CSMD3: variants seen among roughly 807,000 people sequenced by gnomAD.
CSMD3 encodes the protein CUB and sushi domain-containing protein 3.
In CSMD3, 177 loss-of-function variants were observed where a neutral mutation model predicts 435.2. That is an observed-to-expected ratio of 0.41 (90% CI 0.36 to 0.46). The LOEUF is 0.46. Ranked by LOEUF, CSMD3 falls within the 20% of genes least tolerant of loss-of-function variation. The pLI is 0.34. For synonymous variants in CSMD3, 1,656 were observed against 1,520.5 expected (o/e 1.09, Z -2.07); for missense variants, 4,265 against 4,504.6 (o/e 0.95, Z 1.52).
At chr8:113,425,070 T>C (rs1046080367) in intron 1 of CSMD3, among the ~76,000 whole-genome samples, 1 of 151,578 alleles carries the variant, frequency 6.6e-6, no homozygotes, top group African/African-American at 2.4e-5. Flanking sequence ...AAGAGTCTGA[T>C]ACATACTGGT....
chr8:112,445,097 G>T (rs1349664131), intron 32 of CSMD3, among the ~76,000 whole-genome samples: 3 of 152,006 alleles, frequency 2.0e-5, no homozygotes, highest in Non-Finnish European at 4.4e-5. Context: ...ACAAAAATTA[G>T]CTGGGTGTGG....
rs560963515 is a variant in CSMD3 at position 112,664,490 on chromosome 8, G to A, written c.2816+1787C>T. On this transcript the variant is annotated intron_variant, in intron 17 of 70. Transcript: ENST00000297405. ...TAAGCCATGTAAACCAATAAATAGGGGATACGGTTTTAACAGAATAGCAAC... is the reference window on the plus strand; with the variant it reads ...TAAGCCATGTAAACCAATAAATAGGAGATACGGTTTTAACAGAATAGCAAC... Among the ~76,000 whole-genome samples, 3 of 152,050 alleles carry A rather than the reference G, an allele frequency of 2.0e-5. No homozygotes were observed. The East Asian group carries it at 5.8e-4, about 29-fold the overall frequency.
intron 11 of CSMD3, among the ~76,000 whole-genome samples, chr8:112,835,268 T>C (rs933850332): frequency 3.3e-5 from 5 of 151,904 alleles, no homozygotes; most frequent in African/African-American, 1.2e-4. Context: ...TCATAATCTT[T>C]CTGTGAATCT....
intron 10 of CSMD3, among the ~76,000 whole-genome samples, chr8:112,880,362 A>G (rs2081412902): frequency 6.6e-6 from 1 of 152,054 alleles, no homozygotes. Context: ...TCTTAAATGG[A>G]TACAAACAGG....
intron 3 of CSMD3, among the ~76,000 whole-genome samples, chr8:113,258,762 T>C (rs2093403695): frequency 6.6e-6 from 1 of 151,922 alleles, no homozygotes; most frequent in Non-Finnish European, 1.5e-5. Flanking sequence ...TTAGAGAAAA[T>C]TCAGCAGTAA....
intron 1 of CSMD3, among the ~76,000 whole-genome samples, chr8:113,321,156 A>C (rs192043051): frequency 6.6e-6 from 1 of 152,228 alleles, no homozygotes; most frequent in East Asian, 1.9e-4. Context: ...ATTGCTGCTA[A>C]AGTCATTTCT....
At position 112,541,095 on chromosome 8, in the gene CSMD3, C is replaced by A. The variant is rs79822482; in HGVS notation, c.4564+9576G>T. 6.1e-3 allele frequency among the ~76,000 whole-genome samples: 925 copies of A among 151,500 alleles called. 10 individuals carry two copies. Among genetic ancestry groups the A allele is most frequent in the African/African-American group, 0.022 (892 of 41,402 alleles). On this transcript the variant is annotated intron_variant, in intron 27 of 70. Coordinates refer to ENST00000297405, the MANE Select transcript of CSMD3 (RefSeq NM_198123.2). Reference sequence around the variant, plus strand: ...AAATAGAAAACACCTCAAGATGAAACAAAAACACGATATGCCAAAATGCAT... The same window carrying A: ...AAATAGAAAACACCTCAAGATGAAAAAAAAACACGATATGCCAAAATGCAT...
intron 12 of CSMD3, among the ~76,000 whole-genome samples, chr8:112,817,501 C>T (rs996823568): frequency 6.6e-6 from 1 of 151,992 alleles, no homozygotes; most frequent in Non-Finnish European, 1.5e-5. Context: ...TTGTTCAAAT[C>T]CTTTATCTGA....
chr8:112,508,111 C>A (rs1822723333), intron 28 of CSMD3, among the ~76,000 whole-genome samples: 1 of 152,124 alleles, frequency 6.6e-6, no homozygotes, highest in African/African-American at 2.4e-5. Flanking sequence ...GTCACATAAT[C>A]CCTCTCCCTT....
At chr8:113,348,540 A>G (rs1021438366) in intron 1 of CSMD3, among the ~76,000 whole-genome samples, 1 of 152,182 alleles carries the variant, frequency 6.6e-6, no homozygotes, top group South Asian at 2.1e-4. Context: ...AGGAAGATGC[A>G]AAAAGATGTA....
chr8:112,852,772 A>C (rs1040253863), intron 11 of CSMD3, among the ~76,000 whole-genome samples: 2 of 151,988 alleles, frequency 1.3e-5, no homozygotes, highest in African/African-American at 2.4e-5. Flanking sequence ...AATACAAAAA[A>C]TTAGCTGGGC....
At chr8:112,551,720 C>T (rs902179477) in intron 26 of CSMD3, among the ~76,000 whole-genome samples, 40 of 151,880 alleles carry the variant, frequency 2.6e-4, no homozygotes, top group African/African-American at 9.7e-4. Flanking sequence ...CATTGCCTTG[C>T]AAAAGTAATG....
chr8:112,520,774 A>T (rs1325387082), intron 27 of CSMD3, among the ~76,000 whole-genome samples: 1 of 151,944 alleles, frequency 6.6e-6, no homozygotes, highest in African/African-American at 2.4e-5. Flanking sequence ...AAGTAACTAC[A>T]ATATGAAGAA....
At chr8:112,541,757 A>T (rs2131141026) in intron 27 of CSMD3, among the ~76,000 whole-genome samples, 1 of 152,088 alleles carries the variant, frequency 6.6e-6, no homozygotes, top group East Asian at 1.9e-4. Flanking sequence ...AACCAAAAAC[A>T]AACAAAAAAA....
intron 23 of CSMD3, among the ~76,000 whole-genome samples, chr8:112,581,383 G>A (rs1165894836): frequency 6.6e-6 from 1 of 152,040 alleles, no homozygotes. Context: ...AATGTTGATT[G>A]AGTGGGCATG....
At chr8:113,353,117 T>C (rs920948534) in intron 1 of CSMD3, among the ~76,000 whole-genome samples, 1 of 152,144 alleles carries the variant, frequency 6.6e-6, no homozygotes, top group African/African-American at 2.4e-5. Flanking sequence ...ATGAATTTTG[T>C]GGCAGTATCA....
intron 23 of CSMD3, among the ~76,000 whole-genome samples, chr8:112,576,720 G>C (rs900766250): frequency 1.8e-5 from 1 of 54,740 alleles, no homozygotes; most frequent in South Asian, 5.9e-4. Flanking sequence ...TTATACAAAT[G>C]GGTTTTGCCA....
intron 22 of CSMD3, among the ~76,000 whole-genome samples, chr8:112,625,780 T>C (rs116060542): frequency 3.7e-4 from 57 of 152,232 alleles, no homozygotes; most frequent in African/African-American, 1.3e-3. Context: ...CTAACTCCTT[T>C]TGAAAAACAC....
chr8:113,186,663 C>G (rs1489381693), intron 3 of CSMD3, among the ~76,000 whole-genome samples: 1 of 152,014 alleles, frequency 6.6e-6, no homozygotes, highest in East Asian at 1.9e-4. Flanking sequence ...TATTATGGAA[C>G]TCTTCGGGGC....
Sources: gnomAD v4.1 joint callset for allele counts (sites outside exome capture counted in the v4.1 genomes callset) on GRCh38, gnomAD v4.1.1 for gene constraint, MANE v1.5 for transcripts, NCBI Gene and HGNC (gene_info 2026-07-23, HGNC 2026-07-21) for gene names.